RBMS3: variants seen among roughly 807,000 people sequenced by gnomAD.
The protein encoded by RBMS3 is RNA binding motif single stranded interacting protein 3.
A neutral mutation model predicts 66.8 loss-of-function variants in RBMS3; 27 were observed. The observed-to-expected ratio is 0.40, with a 90% CI of 0.30 to 0.56. The LOEUF (loss-of-function observed/expected upper bound fraction) is 0.56, where lower values mean the gene tolerates loss of function less well. Among genes scored for constraint, RBMS3 ranks in the 20% least tolerant of loss-of-function variants. RBMS3 has a pLI of 0.40. For missense variants in RBMS3, 513 were observed against 549.5 expected (o/e 0.93, Z 0.66); for synonymous variants, 188 against 183.0 (o/e 1.03, Z -0.22).
At chr3:29,537,207 C>A (rs2045589008) in intron 3 of RBMS3, among the ~76,000 whole-genome samples, 1 of 152,138 alleles carries the variant, frequency 6.6e-6, no homozygotes, top group African/African-American at 2.4e-5. Context: ...AGTAGTTTGT[C>A]AGCTGAATGG....
chr3:29,852,078 A>T (rs952329351), intron 6 of RBMS3, among the ~76,000 whole-genome samples: 4 of 152,200 alleles, frequency 2.6e-5, no homozygotes, highest in Non-Finnish European at 5.9e-5. Context: ...GCAATGGGAA[A>T]AGGACTCCCT....
intron 12 of RBMS3, among the ~76,000 whole-genome samples, chr3:29,977,978 A>C (rs1426103283): frequency 1.3e-5 from 2 of 151,914 alleles, no homozygotes; most frequent in Admixed American, 6.6e-5. Flanking sequence ...AGAATTTATC[A>C]AGTTAAAAGG....
At chr3:29,717,388 T>C (rs1021746738) in intron 4 of RBMS3, among the ~76,000 whole-genome samples, 1 of 152,090 alleles carries the variant, frequency 6.6e-6, no homozygotes, top group Non-Finnish European at 1.5e-5. Flanking sequence ...CAGCTATAAA[T>C]TGTATTAATC....
intron 1 of RBMS3, among the ~76,000 whole-genome samples, chr3:29,414,548 T>C (rs2040400003): frequency 6.6e-6 from 1 of 152,234 alleles, no homozygotes; most frequent in South Asian, 2.1e-4. Context: ...ATTACTTCAT[T>C]CATTAGTTCT....
In RBMS3 at chr3:29,511,313, T is replaced by A. The variant is rs557841129; in HGVS notation, c.307+22814T>A. Reference sequence around the variant, plus strand: ...TTCATCTCAAATAAAATAAAATAAATAAAAAAGGTTATTTTAAACCAAATT... The same window carrying A: ...TTCATCTCAAATAAAATAAAATAAAAAAAAAAGGTTATTTTAAACCAAATT... On this transcript the variant is annotated intron_variant, in intron 3 of 14. Coordinates refer to ENST00000383767, the MANE Select transcript of RBMS3 (RefSeq NM_001003793.3). Among the ~76,000 whole-genome samples, 16 of 152,154 alleles carry A rather than the reference T, an allele frequency of 1.1e-4. No homozygotes were observed. In the East Asian group the frequency reaches 3.1e-3, roughly 29 times the overall value.
intron 6 of RBMS3, among the ~76,000 whole-genome samples, chr3:29,834,645 A>G (rs1168607380): frequency 1.3e-5 from 2 of 152,082 alleles, no homozygotes; most frequent in African/African-American, 4.8e-5. Context: ...CACAAAAAAT[A>G]AAGAGAAATA....
At chr3:29,519,345 G>T (rs757641761) in intron 3 of RBMS3, among the ~76,000 whole-genome samples, 4 of 152,168 alleles carry the variant, frequency 2.6e-5, no homozygotes, top group Non-Finnish European at 5.9e-5. Context: ...AAGGCACATT[G>T]ACTCCGTTGG....
At chr3:29,314,842 T>C (rs1009645299) in intron 1 of RBMS3, among the ~76,000 whole-genome samples, 3 of 151,796 alleles carry the variant, frequency 2.0e-5, no homozygotes, top group East Asian at 3.9e-4. Flanking sequence ...AGAGTTGCTC[T>C]TTCCTTAAGT....
At chr3:29,595,397 T>C in intron 4 of RBMS3, among the ~76,000 whole-genome samples, 1 of 99,920 alleles carries the variant, frequency 1.0e-5, no homozygotes, top group South Asian at 3.4e-4. Context: ...AGAGTCAGTC[T>C]AAAAAAAAAA....
intron 4 of RBMS3, among the ~76,000 whole-genome samples, chr3:29,632,514 T>C (rs7615236): frequency 0.28 from 43,025 of 151,708 alleles, 7,502 homozygotes; most frequent in African/African-American, 0.48. Flanking sequence ...AGCTACTAAA[T>C]ATTTGGGCAT....
chr3:29,958,797 T>G (rs1056334596), intron 12 of RBMS3, among the ~76,000 whole-genome samples: 12 of 152,210 alleles, frequency 7.9e-5, no homozygotes, highest in Admixed American at 1.3e-4. Flanking sequence ...ATGCTGTTAG[T>G]GGGCTAAAGG....
At chr3:29,885,265 G>A (rs1203249978) in intron 8 of RBMS3, among the ~76,000 whole-genome samples, 3 of 151,950 alleles carry the variant, frequency 2.0e-5, no homozygotes, top group East Asian at 3.9e-4. Flanking sequence ...TAGGGTAGGA[G>A]TATAGTCCTT....
chr3:29,702,825 A>G (rs1576566667), intron 4 of RBMS3, among the ~76,000 whole-genome samples: 1 of 152,198 alleles, frequency 6.6e-6, no homozygotes, highest in African/African-American at 2.4e-5. Flanking sequence ...GTCAGAAGGA[A>G]CAAACTCTGG....
intron 6 of RBMS3, among the ~76,000 whole-genome samples, chr3:29,817,919 C>A (rs773812530): frequency 5.3e-5 from 8 of 152,090 alleles, no homozygotes; most frequent in Non-Finnish European, 1.0e-4. Flanking sequence ...TGCATTCATT[C>A]ATTTGTTCCA....
At chr3:29,920,728 C>A (rs1203359582) in intron 10 of RBMS3, among the ~76,000 whole-genome samples, 1 of 151,824 alleles carries the variant, frequency 6.6e-6, no homozygotes, top group East Asian at 1.9e-4. Context: ...GTAATCCCAG[C>A]ACTTTGGAAG....
At chr3:29,683,605 C>CA in intron 4 of RBMS3, among the ~76,000 whole-genome samples, 1 of 152,264 alleles carries the variant, frequency 6.6e-6, no homozygotes, top group South Asian at 2.1e-4. Context: ...CACACACACA[C>CA]AAACACACCA....
intron 4 of RBMS3, among the ~76,000 whole-genome samples, chr3:29,664,001 G>A (rs2050658076): frequency 6.6e-6 from 1 of 152,108 alleles, no homozygotes; most frequent in Non-Finnish European, 1.5e-5. Flanking sequence ...GGTATTGAAA[G>A]TTTTCTGAAT....
At chr3:29,974,249 C>A (rs1226391334) in intron 12 of RBMS3, among the ~76,000 whole-genome samples, 3 of 151,904 alleles carry the variant, frequency 2.0e-5, no homozygotes, top group African/African-American at 7.2e-5. Flanking sequence ...CACTGCCAAG[C>A]CCACCACCTT....
chr3:29,719,179 C>T (rs763456847), intron 4 of RBMS3, among the ~76,000 whole-genome samples: 4 of 152,144 alleles, frequency 2.6e-5, no homozygotes, highest in Admixed American at 6.6e-5. Context: ...ATCCATAAAT[C>T]AGGCTTTGAG....
Sources: allele counts gnomAD v4.1 joint callset (sites outside exome capture counted in the v4.1 genomes callset), GRCh38; gene constraint gnomAD v4.1.1; transcripts MANE v1.5; gene names NCBI Gene and HGNC (gene_info 2026-07-23, HGNC 2026-07-21).